Variants in CLYBL observed in about 807,000 individuals in gnomAD.
CLYBL encodes citramalyl-CoA lyase.
In CLYBL, 31 loss-of-function variants were observed where a neutral mutation model predicts 38.9. The observed-to-expected ratio is 0.80, with a 90% confidence interval of 0.60 to 1.08. The LOEUF is 1.08. Among genes scored for constraint, CLYBL ranks in the 50% least tolerant of loss-of-function variants. CLYBL has a pLI of 0.00. For synonymous variants in CLYBL, 171 were observed against 158.6 expected (o/e 1.08, Z -0.59); for missense variants, 434 against 411.6 (o/e 1.05, Z -0.47).
chr13:99,635,710 G>T (rs1207884828), intron 1 of CLYBL, among the ~76,000 whole-genome samples: 3 of 152,170 alleles, frequency 2.0e-5, no homozygotes, highest in Non-Finnish European at 4.4e-5. Context: ...ATGAAGACTG[G>T]GGGAAGAGGA....
chr13:99,885,479 T>A (rs1420089843), intron 7 of CLYBL, among the ~76,000 whole-genome samples: 1 of 152,194 alleles, frequency 6.6e-6, no homozygotes, highest in Non-Finnish European at 1.5e-5. Flanking sequence ...CACTTAATTC[T>A]GCAAGTCCAA....
intron 1 of CLYBL, among the ~76,000 whole-genome samples, chr13:99,764,347 C>T (rs368778529): frequency 3.0e-4 from 45 of 152,018 alleles, no homozygotes; most frequent in Non-Finnish European, 4.4e-5. Context: ...TGGTAGGATG[C>T]GGCAATAAAG....
intron 2 of CLYBL, chr13:99,783,896 A>G (rs1009374270): frequency 6.6e-6 from 1 of 152,298 alleles, no homozygotes; most frequent in African/African-American, 2.4e-5. Flanking sequence ...ATTGAGTGCT[A>G]TGGCATTCTA....
chr13:99,651,288 A>C (rs1356151301), intron 1 of CLYBL, among the ~76,000 whole-genome samples: 1 of 152,232 alleles, frequency 6.6e-6, no homozygotes, highest in Non-Finnish European at 1.5e-5. Flanking sequence ...GAACTGAATA[A>C]ATAGGCCAGG....
At chr13:99,779,211 C>T (rs187450324) in intron 2 of CLYBL, among the ~76,000 whole-genome samples, 11 of 152,214 alleles carry the variant, frequency 7.2e-5, no homozygotes, top group South Asian at 6.2e-4. Flanking sequence ...GGTATGATCT[C>T]GGCTCACTGC....
chr13:99,854,860 A>T (rs916532339), intron 2 of CLYBL, among the ~76,000 whole-genome samples: 2 of 152,308 alleles, frequency 1.3e-5, no homozygotes, highest in South Asian at 2.1e-4. Flanking sequence ...CCTGGCCCAG[A>T]CAGAGTCACC....
rs368311298 is a variant in CLYBL, at chr13:99,784,157, T to A, written c.249+11147T>A. On this transcript the variant is annotated intron_variant, in intron 2 of 8. Transcript: ENST00000339105. ...ATCATGCTTGTGAACCACAAAAGGA[T>A]CATGAACCCATATTCATTGGAATTA... 9.9e-5 allele frequency among the ~76,000 whole-genome samples: 15 copies of A among 152,208 alleles called. No individual in the cohort carries two copies. In the South Asian group the frequency reaches 2.9e-3, roughly 29 times the overall value.
intron 2 of CLYBL, among the ~76,000 whole-genome samples, chr13:99,777,303 G>T (rs1332290451): frequency 6.6e-6 from 1 of 152,110 alleles, no homozygotes; most frequent in Non-Finnish European, 1.5e-5. Flanking sequence ...ATGAAGATAT[G>T]TTCCCAATCT....
intron 1 of CLYBL, among the ~76,000 whole-genome samples, chr13:99,712,036 T>G (rs1488288392): frequency 6.6e-6 from 1 of 152,178 alleles, no homozygotes; most frequent in Non-Finnish European, 1.5e-5. Flanking sequence ...ATTTCATTTA[T>G]GAGAGCTCAG....
intron 1 of CLYBL, among the ~76,000 whole-genome samples, chr13:99,609,051 C>T (rs1238209051): frequency 2.0e-5 from 3 of 151,174 alleles, no homozygotes; most frequent in Non-Finnish European, 2.9e-5. Context: ...TCTCTCTTCT[C>T]TTTCGGAGGC....
At chr13:99,867,933 C>G (rs1177744452) in intron 6 of CLYBL, among the ~76,000 whole-genome samples, 1 of 152,090 alleles carries the variant, frequency 6.6e-6, no homozygotes, top group African/African-American at 2.4e-5. Context: ...AGAGTGTCTC[C>G]AAGATACAGG....
intron 1 of CLYBL, among the ~76,000 whole-genome samples, chr13:99,736,961 A>G (rs533123116): frequency 2.6e-5 from 4 of 152,248 alleles, no homozygotes; most frequent in Non-Finnish European, 4.4e-5. Flanking sequence ...GTCTAACACT[A>G]AAATAAAATG....
intron 2 of CLYBL, among the ~76,000 whole-genome samples, chr13:99,796,606 A>G (rs1738105985): frequency 6.6e-6 from 1 of 152,258 alleles, no homozygotes; most frequent in East Asian, 1.9e-4. Flanking sequence ...AACTTGCCCA[A>G]GGTCACACAG....
chr13:99,786,712 G>T (rs1298991802), intron 2 of CLYBL, among the ~76,000 whole-genome samples: 1 of 151,884 alleles, frequency 6.6e-6, no homozygotes, highest in Non-Finnish European at 1.5e-5. Flanking sequence ...AATCCTTTAG[G>T]TATATACCCA....
In CLYBL at chr13:99,770,569, G is replaced by A. The variant is rs1003974102; in HGVS notation, c.63-2255G>A. On this transcript the variant is annotated intron_variant, in intron 1 of 8. Coordinates refer to ENST00000339105, the MANE Select transcript of CLYBL (RefSeq NM_206808.5). ...CCTGACCTCATGATCCGCCCGTCTCGGCCTCCCAAAGTGCTAGGATTACAG... is the reference window on the plus strand; with the variant it reads ...CCTGACCTCATGATCCGCCCGTCTCAGCCTCCCAAAGTGCTAGGATTACAG... 2.0e-5 allele frequency among the ~76,000 whole-genome samples: 3 copies of A among 152,028 alleles called. No homozygotes were observed. In the East Asian group the frequency reaches 5.8e-4, roughly 29 times the overall value.
chr13:99,837,663 G>A (rs2050970502), intron 2 of CLYBL, among the ~76,000 whole-genome samples: 1 of 152,016 alleles, frequency 6.6e-6, no homozygotes. Flanking sequence ...AGGGGCTGCT[G>A]AGTTCCTCTT....
intron 1 of CLYBL, among the ~76,000 whole-genome samples, chr13:99,686,001 C>T (rs1428103907): frequency 3.3e-5 from 5 of 152,102 alleles, no homozygotes; most frequent in Admixed American, 6.5e-5. Flanking sequence ...TTTTCTCCTG[C>T]GTCCCTGTGA....
At chr13:99,684,073 C>T (rs111492176) in intron 1 of CLYBL, among the ~76,000 whole-genome samples, 5,319 of 128,166 alleles carry the variant, frequency 0.042, 132 homozygotes, top group Non-Finnish European at 0.052. Context: ...ATAGAGACGA[C>T]GTTTCACCAT....
chr13:99,799,288 C>T (rs1452924765), intron 2 of CLYBL, among the ~76,000 whole-genome samples: 1 of 151,924 alleles, frequency 6.6e-6, no homozygotes, highest in Non-Finnish European at 1.5e-5. Flanking sequence ...TTACTTCAAA[C>T]ACTTCAGAAA....
Sources: gnomAD v4.1 joint callset for allele counts (sites outside exome capture counted in the v4.1 genomes callset) on GRCh38, gnomAD v4.1.1 for gene constraint, MANE v1.5 for transcripts, NCBI Gene and HGNC (gene_info 2026-07-23, HGNC 2026-07-21) for gene names.